TRIM16: variants seen among roughly 807,000 people sequenced by gnomAD.
TRIM16 encodes tripartite motif-containing protein 16.
In TRIM16, 33 loss-of-function variants were observed where a neutral mutation model predicts 50.4. That is an observed-to-expected ratio of 0.65 (90% CI 0.50 to 0.88). TRIM16 has a LOEUF of 0.88. Ranked by LOEUF, TRIM16 falls within the 40% of genes least tolerant of loss-of-function variation. TRIM16 has a pLI of 0.00. For missense variants in TRIM16, 581 were observed against 686.8 expected (o/e 0.85, Z 1.72); for synonymous variants, 229 against 270.7 (o/e 0.85, Z 1.51).
chr17:15,676,426 TTTTTC>T (rs1385474322), intron 6 of TRIM16, among the ~76,000 whole-genome samples: 2 of 88,614 alleles, frequency 2.3e-5, no homozygotes, highest in East Asian at 3.5e-4. Flanking sequence ...ACCTGAGAAT[TTTTTC>T]TTTTTTTTTT....
chr17:15,673,677 T>C (rs1212811259), intron 6 of TRIM16, among the ~76,000 whole-genome samples: 1 of 152,038 alleles, frequency 6.6e-6, no homozygotes, highest in African/African-American at 2.4e-5. Flanking sequence ...CAATTTAAGC[T>C]TAGGAAGATT....
Position 15,647,027 on chromosome 17 carries a change from C to T in TRIM16, c.519+4064G>A, listed in dbSNP as rs187736491. ...TGTCACCCAGGCTGGAGTGCAATGG[C>T]GCGATCTCGGTTCACTGCAACCTCC... is the stretch of plus-strand genomic sequence containing the variant. On this transcript the variant is annotated intron_variant, in intron 7 of 11. Transcript: ENST00000649191. 3.9e-3 allele frequency among the ~76,000 whole-genome samples: 593 copies of T among 150,336 alleles called. 2 individuals carry two copies. Among genetic ancestry groups the T allele is most frequent in the Middle Eastern group, 0.035 (10 of 288 alleles).
rs1361421279 is a variant in TRIM16, at chr17:15,652,460, T to G, written c.-337-514A>C. Among the ~76,000 whole-genome samples, 125 of 116,562 alleles carry G rather than the reference T, an allele frequency of 1.1e-3. 1 individual carries two copies. The highest frequency in any genetic ancestry group is 4.2e-3 in the African/African-American group (121 of 29,022). 76.5% of individuals were successfully genotyped at this position (116,562 alleles called of 152,430 possible). A position where few individuals can be genotyped will look rare whatever the true frequency, so the allele number is the denominator to read the frequency against. ...AGGTGAGCCACGGTGCCCACCTTTTTTTTTTTTTTTTTTTTTTTTTTGAGA... is the reference window on the plus strand; with the variant it reads ...AGGTGAGCCACGGTGCCCACCTTTTGTTTTTTTTTTTTTTTTTTTTTGAGA... On this transcript the variant is annotated intron_variant, in intron 6 of 11. Transcript: ENST00000649191.
rs2150902478 is a variant in TRIM16, at chr17:15,636,396, A to C, written c.616-127T>G. 2.3e-6 allele frequency: 2 copies of C among 871,502 alleles called. 1 individual carries two copies. Among genetic ancestry groups the C allele is most frequent in the African/African-American group, 3.5e-5 (2 of 57,606 alleles). 54.0% of individuals were successfully genotyped at this position (871,502 alleles called of 1,614,324 possible). A position where few individuals can be genotyped will look rare whatever the true frequency, so the allele number is the denominator to read the frequency against. ...TATTAGGGAGCAGTTCCCTATTGTA[A>C]AAGGAATCCTTTATTCTCATGTGAA... On this transcript the variant is annotated intron_variant, in intron 8 of 11. Transcript: ENST00000649191.
At chr17:15,649,073 T>C (rs756205050) in intron 7 of TRIM16, among the ~76,000 whole-genome samples, 7 of 152,198 alleles carry the variant, frequency 4.6e-5, no homozygotes, top group Non-Finnish European at 1.0e-4. Flanking sequence ...CTCCTCCTGC[T>C]TGGAATTGCA....
At chr17:15,641,190 T>C (rs1184527679) in intron 8 of TRIM16, among the ~76,000 whole-genome samples, 1 of 148,096 alleles carries the variant, frequency 6.8e-6, no homozygotes, top group Non-Finnish European at 1.5e-5. Flanking sequence ...CTTTCTTGCA[T>C]GTAAATGTAA....
In TRIM16 at chr17:15,677,582, G is replaced by C. The variant is rs1258730906; in HGVS notation, c.-450C>G. On this transcript the variant is annotated 5_prime_UTR_variant, in exon 5 of 12. Transcript: ENST00000649191. ...GGAAGGACCCAAGCTCACCCAAGGA[G>C]ACCAGGTTCCTATAGTTCTCCAGCA... 2.9e-6 allele frequency: 3 copies of C among 1,052,528 alleles called. No individual in the cohort carries two copies. The African/African-American group carries it at 5.1e-5, about 18-fold the overall frequency. The allele number at this position is 1,052,528 out of a possible 1,614,324, so 65.2% of individuals were successfully genotyped here.
chr17:15,674,098 G>A (rs1392889905), intron 6 of TRIM16, among the ~76,000 whole-genome samples: 1 of 152,158 alleles, frequency 6.6e-6, no homozygotes, highest in Non-Finnish European at 1.5e-5. Context: ...TAGGCCGGGC[G>A]CGGTGGCTCA....
chr17:15,652,401 C>T (rs551582860), intron 6 of TRIM16, among the ~76,000 whole-genome samples: 27 of 146,644 alleles, frequency 1.8e-4, no homozygotes, highest in African/African-American at 6.6e-4. Flanking sequence ...TCTCGTGATC[C>T]ACCCGCCTCG....
At chr17:15,632,905 T>C (rs146685084) in intron 9 of TRIM16, 1 of 488,032 alleles carries the variant, frequency 2.0e-6, no homozygotes, top group African/African-American at 1.9e-5. Flanking sequence ...AGTGAGAACA[T>C]GGGATTTTAA....
At chr17:15,655,126 T>C (rs1987912359) in intron 6 of TRIM16, among the ~76,000 whole-genome samples, 2 of 152,202 alleles carry the variant, frequency 1.3e-5, no homozygotes, top group African/African-American at 2.4e-5. Flanking sequence ...GTCCAGACCA[T>C]TGTCAGTGTT....
chr17:15,630,357 C>A (rs1986352550), intron 11 of TRIM16, among the ~76,000 whole-genome samples: 1 of 152,198 alleles, frequency 6.6e-6, no homozygotes, highest in Admixed American at 6.5e-5. Flanking sequence ...CACCCCTCTC[C>A]ATTTGTAATA....
rs1989157174 is a variant in TRIM16 at position 15,680,886 on chromosome 17, A to G, written c.-611T>C. ...TCACCTGGGACTCTGCTGTCCGGCA[A>G]AGAGCAGCCATATTTTCCTTCTTAA... On this transcript the variant is annotated 5_prime_UTR_variant, in exon 4 of 12. Coordinates refer to ENST00000649191, the MANE Select transcript of TRIM16 (RefSeq NM_001348119.1). The G allele has an allele frequency of 6.5e-6, 10 of 1,546,778 alleles. No homozygotes were observed. The highest frequency in any genetic ancestry group is 8.7e-6 in the Non-Finnish European group (10 of 1,146,170).
In TRIM16 at chr17:15,637,115, T is replaced by TGG. The variant is rs570385958; in HGVS notation, c.616-848_616-847dup. On this transcript the variant is annotated intron_variant, in intron 8 of 11. Transcript: ENST00000649191. The stretch of plus-strand genomic sequence containing the variant: ...GCAGCCACCCCGTCCGGGAGGGAGG[T>TGG]GGGGGGGGGGGGTCAGCCCCCCGCC... Among the ~76,000 whole-genome samples the TGG allele has an allele frequency of 6.2e-3, 417 of 67,378 alleles. 3 individuals are homozygous for TGG. The highest frequency in any genetic ancestry group is 0.011 in the Middle Eastern group (1 of 94). 44.2% of individuals were successfully genotyped at this position (67,378 alleles called of 152,430 possible).
rs1052715437 is a variant in TRIM16 at position 15,641,994 on chromosome 17, C to T, written c.615+727G>A. ...AGTAACTGGGACTACAGGTGTGCAC[C>T]ACCATGCCTGGCTAATTTTTGTATT... is the stretch of plus-strand genomic sequence containing the variant. On this transcript the variant is annotated intron_variant, in intron 8 of 11. Transcript: ENST00000649191. Among the ~76,000 whole-genome samples, 10 of 148,506 alleles carry T rather than the reference C, an allele frequency of 6.7e-5. 2 individuals are homozygous for T. The highest frequency in any genetic ancestry group is 4.4e-4 in the South Asian group (2 of 4,592).
In TRIM16 at chr17:15,651,268, C is replaced by A; in HGVS notation, c.342G>T (p.Leu114=). ...CTGGCTCGGTCAGCAGGTGGCTTTGCAGTTTGATGTTCACCTGATGCGGCT... is the reference window on the plus strand; with the variant it reads ...CTGGCTCGGTCAGCAGGTGGCTTTGAAGTTTGATGTTCACCTGATGCGGCT... ...HLQPHQVNIK[L]QSHLLTEPVK... The change falls in exon 7 of 12, where the codon CTG becomes CTT. Residue 114 remains leucine, a synonymous_variant. Transcript: ENST00000649191. 1 of 1,614,246 alleles carries A rather than the reference C, an allele frequency of 6.2e-7. No homozygotes were observed. Among genetic ancestry groups the A allele is most frequent in the Non-Finnish European group, 8.5e-7 (1 of 1,180,042 alleles).
At position 15,636,035 on chromosome 17, in the gene TRIM16, C is replaced by T. The variant is rs376895736; in HGVS notation, c.849+1G>A. 5.6e-6 allele frequency: 9 copies of T among 1,611,688 alleles called. No homozygotes were observed. The highest frequency in any genetic ancestry group is 5.9e-6 in the Non-Finnish European group (7 of 1,179,568). On this transcript the variant is annotated splice_donor_variant, in intron 9 of 11. Transcript: ENST00000649191. LOFTEE classifies it high-confidence loss of function. Reference sequence around the variant, plus strand: ...TGCCTCTGCCCCCGCAACCCCCATACCTCCAAGAACTGGACAGTGTTGCTG... The same window carrying T: ...TGCCTCTGCCCCCGCAACCCCCATATCTCCAAGAACTGGACAGTGTTGCTG...
At position 15,634,189 on chromosome 17, in the gene TRIM16, C is replaced by T. The variant is rs1433875564; in HGVS notation, c.850-1515G>A. ...CTAAAAATACAAAAAATTAGCCGGG[C>T]GCGGTGGCGGGCGCCTGTAGTCCCA... On this transcript the variant is annotated intron_variant, in intron 9 of 11. Coordinates refer to ENST00000649191, the MANE Select transcript of TRIM16 (RefSeq NM_001348119.1). 6.1e-5 allele frequency among the ~76,000 whole-genome samples: 9 copies of T among 148,412 alleles called. 1 individual carries two copies. The East Asian group carries it at 8.3e-4, about 14-fold the overall frequency.
At chr17:15,638,705 G>A (rs1986972247) in intron 8 of TRIM16, among the ~76,000 whole-genome samples, 2 of 148,568 alleles carry the variant, frequency 1.3e-5, no homozygotes, top group Admixed American at 1.3e-4. Flanking sequence ...TGGCAAGGAA[G>A]GAGAGAGGGA....
Sources: gnomAD v4.1 joint callset for allele counts (sites outside exome capture counted in the v4.1 genomes callset) on GRCh38, gnomAD v4.1.1 for gene constraint, MANE v1.5 for transcripts, NCBI Gene and HGNC (gene_info 2026-07-23, HGNC 2026-07-21) for gene names.